Variants in LRMDA observed in about 807,000 individuals in gnomAD.
LRMDA encodes the protein leucine rich melanocyte differentiation associated, also known as leucine-rich melanocyte differentiation-associated protein.
In LRMDA, 18 loss-of-function variants were observed where a neutral mutation model predicts 29.8. The observed-to-expected ratio is 0.60, with a 90% CI of 0.42 to 0.90. The LOEUF (loss-of-function observed/expected upper bound fraction) is 0.90. LRMDA is among the 40% of genes least tolerant of loss of function. LRMDA has a pLI of 0.00. For missense variants in LRMDA, 273 were observed against 273.9 expected, an observed-to-expected ratio of 1.00 and a Z score of 0.02; for synonymous variants, 125 against 109.4, an observed-to-expected ratio of 1.14 and a Z score of -0.89.
chr10:75,589,707 T>C (rs1183594091), intron 2 of LRMDA, among the ~76,000 whole-genome samples: 3 of 151,842 alleles, frequency 2.0e-5, no homozygotes, highest in African/African-American at 7.3e-5. Flanking sequence ...GAGGTTGCAG[T>C]GAGCTGAGAT....
chr10:75,621,199 T>TACACAC (rs753933285), intron 2 of LRMDA, among the ~76,000 whole-genome samples: 26,943 of 136,530 alleles, frequency 0.2, 2,545 homozygotes, highest in East Asian at 0.34. Flanking sequence ...AGTATTCCAT[T>TACACAC]ACACACACAC....
At chr10:76,270,178 G>T (rs1213925787) in intron 5 of LRMDA, 3 of 152,224 alleles carry the variant, frequency 2.0e-5, no homozygotes. Context: ...GACACGTAAA[G>T]AAATAAACCA....
At position 75,564,483 on chromosome 10, in the gene LRMDA, T is replaced by C. The variant is rs555388284; in HGVS notation, c.131+125989T>C. Among the ~76,000 whole-genome samples the C allele has an allele frequency of 3.7e-4, 56 of 152,324 alleles. No individual in the cohort carries two copies. The South Asian group carries it at 0.012, about 32-fold the overall frequency. On this transcript the variant is annotated intron_variant, in intron 2 of 6. Coordinates refer to ENST00000611255, the MANE Select transcript of LRMDA (RefSeq NM_001305581.2). ...AGGGAACTCCCTGACCCCTTGCGCT[T>C]CCCGAGTGAGGCAATGCCTCATCCT...
At chr10:75,807,545 C>T (rs766978719) in intron 2 of LRMDA, among the ~76,000 whole-genome samples, 30 of 152,340 alleles carry the variant, frequency 2.0e-4, no homozygotes, top group Non-Finnish European at 3.4e-4. Context: ...TTTGCACATT[C>T]GACAAACTTT....
intron 2 of LRMDA, among the ~76,000 whole-genome samples, chr10:75,680,574 G>A (rs916767517): frequency 6.6e-6 from 1 of 152,146 alleles, no homozygotes; most frequent in African/African-American, 2.4e-5. Context: ...CAATAAGAAT[G>A]ATGAATGATT....
intron 6 of LRMDA, among the ~76,000 whole-genome samples, chr10:76,398,277 C>G (rs550165641): frequency 9.2e-5 from 14 of 152,278 alleles, no homozygotes; most frequent in African/African-American, 3.1e-4. Context: ...CCCCCTCCCC[C>G]CAGCTCCCTC....
At position 76,411,534 on chromosome 10, in the gene LRMDA, C is replaced by T. The variant is rs150463163; in HGVS notation, c.601+87049C>T. ...CTAAAGGGACAGTCCTATTGTTGGACTTCAGATAAATTCCTCACTATTTTT... is the reference window on the plus strand; with the variant it reads ...CTAAAGGGACAGTCCTATTGTTGGATTTCAGATAAATTCCTCACTATTTTT... On this transcript the variant is annotated intron_variant, in intron 6 of 6. Coordinates refer to ENST00000611255, the MANE Select transcript of LRMDA (RefSeq NM_001305581.2). 8.1e-4 allele frequency among the ~76,000 whole-genome samples: 124 copies of T among 152,360 alleles called. 1 individual carries two copies. The East Asian group carries it at 0.023, about 28-fold the overall frequency.
At chr10:76,404,435 CT>C (rs570085734) in intron 6 of LRMDA, among the ~76,000 whole-genome samples, 291 of 152,286 alleles carry the variant, frequency 1.9e-3, no homozygotes, top group African/African-American at 6.3e-3. Context: ...TGATGGCTGG[CT>C]TTTACTTACA....
chr10:75,810,045 A>G (rs145242105), intron 2 of LRMDA, among the ~76,000 whole-genome samples: 1 of 152,118 alleles, frequency 6.6e-6, no homozygotes, highest in East Asian at 1.9e-4. Flanking sequence ...TTGAGCTGAG[A>G]TGTGAGGGGA....
intron 2 of LRMDA, among the ~76,000 whole-genome samples, chr10:75,610,688 G>A (rs945540317): frequency 5.3e-5 from 8 of 152,030 alleles, no homozygotes; most frequent in African/African-American, 1.9e-4. Context: ...CCCCAGTCCT[G>A]ACACAATGTA....
At chr10:76,225,390 C>T (rs540468505) in intron 5 of LRMDA, among the ~76,000 whole-genome samples, 1 of 151,926 alleles carries the variant, frequency 6.6e-6, no homozygotes, top group Non-Finnish European at 1.5e-5. Flanking sequence ...GCACTCCAGC[C>T]TCAGTGACAG....
intron 6 of LRMDA, among the ~76,000 whole-genome samples, chr10:76,510,936 G>T (rs959508343): frequency 3.9e-5 from 6 of 152,266 alleles, no homozygotes; most frequent in Non-Finnish European, 8.8e-5. Context: ...TCTTGCAAAG[G>T]ATTCTTCCTT....
At chr10:75,601,651 G>T (rs558879271) in intron 2 of LRMDA, among the ~76,000 whole-genome samples, 2 of 152,066 alleles carry the variant, frequency 1.3e-5, no homozygotes, top group Non-Finnish European at 2.9e-5. Flanking sequence ...TGGTAATTTG[G>T]TATTAAATTT....
chr10:75,914,068 C>T (rs183112145), intron 2 of LRMDA, among the ~76,000 whole-genome samples: 18 of 152,264 alleles, frequency 1.2e-4, no homozygotes, highest in Non-Finnish European at 2.1e-4. Context: ...CAGAGGTTTA[C>T]GAAATGAAGT....
In LRMDA at chr10:76,273,034, A is replaced by C. The variant is rs574123565; in HGVS notation, c.517-51367A>C. Among the ~76,000 whole-genome samples, 9 of 152,130 alleles carry C rather than the reference A, an allele frequency of 5.9e-5. No homozygotes were observed. In the East Asian group the frequency reaches 1.7e-3, roughly 30 times the overall value. On this transcript the variant is annotated intron_variant, in intron 5 of 6. Transcript: ENST00000611255. ...CAGAGCCAAACCATATCAAGGACTA[A>C]CCACTTATTTTTTTTTCTTGTAGGC...
At chr10:75,900,047 C>G (rs1328830023) in intron 2 of LRMDA, among the ~76,000 whole-genome samples, 2 of 152,186 alleles carry the variant, frequency 1.3e-5, no homozygotes, top group African/African-American at 4.8e-5. Flanking sequence ...AAAACAAATA[C>G]TTTTGTGTTG....
intron 5 of LRMDA, among the ~76,000 whole-genome samples, chr10:76,127,918 A>G (rs1010991434): frequency 2.6e-5 from 4 of 152,186 alleles, no homozygotes; most frequent in Non-Finnish European, 5.9e-5. Context: ...ACATGATTTA[A>G]ATCAAAATGT....
chr10:75,681,830 G>A (rs1160884612), intron 2 of LRMDA, among the ~76,000 whole-genome samples: 1 of 152,164 alleles, frequency 6.6e-6, no homozygotes, highest in Non-Finnish European at 1.5e-5. Context: ...AGGGTGCTGA[G>A]TTATTTATCT....
chr10:76,225,476 C>T (rs947502697), intron 5 of LRMDA, among the ~76,000 whole-genome samples: 5 of 151,684 alleles, frequency 3.3e-5, no homozygotes, highest in Non-Finnish European at 2.9e-5. Context: ...AATGGGACCA[C>T]TTTTTGGGTG....
Sources: allele counts gnomAD v4.1 joint callset (sites outside exome capture counted in the v4.1 genomes callset), GRCh38; gene constraint gnomAD v4.1.1; transcripts MANE v1.5; gene names NCBI Gene and HGNC (gene_info 2026-07-23, HGNC 2026-07-21).